Variants in OSBPL10 observed in about 807,000 individuals in gnomAD.
OSBPL10 encodes oxysterol binding protein like 10.
In OSBPL10, 49 loss-of-function variants were observed where a neutral mutation model predicts 81.7. The observed-to-expected ratio is 0.60, with a 90% confidence interval of 0.48 to 0.76. The LOEUF is 0.76. Ranked by LOEUF, OSBPL10 falls within the 30% of genes least tolerant of loss-of-function variation. OSBPL10 has a pLI of 0.00. For missense variants in OSBPL10, 923 were observed against 987.8 expected (o/e 0.93, Z 0.88); for synonymous variants, 419 against 383.6 (o/e 1.09, Z -1.08).
At position 31,991,861 on chromosome 3, in the gene OSBPL10, G is replaced by A. The variant is rs935272934; in HGVS notation, n.298+54630C>T. Among the ~76,000 whole-genome samples the A allele has an allele frequency of 2.3e-5, 3 of 128,478 alleles. No individual in the cohort carries two copies. The South Asian group carries it at 7.5e-4, about 32-fold the overall frequency. 84.3% of individuals were successfully genotyped at this position (128,478 alleles called of 152,430 possible). A position where few individuals can be genotyped will look rare whatever the true frequency, so the allele number is the denominator to read the frequency against. On this transcript the variant is annotated intron_variant and non_coding_transcript_variant, in intron 2 of 3. Coordinates refer to the OSBPL10 transcript ENST00000479173. ...GTGAAAATAAGAGAATTCAAGACAG[G>A]CTAAAAAAAAAAAAATGCCAGGTGC...
At chr3:31,851,042 C>G (rs999635287) in intron 3 of OSBPL10, among the ~76,000 whole-genome samples, 17 of 152,108 alleles carry the variant, frequency 1.1e-4, no homozygotes, top group African/African-American at 2.4e-5. Context: ...AGCAGTTATC[C>G]AAGGTCAGTA....
At chr3:31,679,941 AG>A (rs1452163029) in intron 8 of OSBPL10, among the ~76,000 whole-genome samples, 1 of 152,184 alleles carries the variant, frequency 6.6e-6, no homozygotes, top group Non-Finnish European at 1.5e-5. Context: ...TGCTTTCAAT[AG>A]GAAGAGTTAC....
intron 3 of OSBPL10, among the ~76,000 whole-genome samples, chr3:31,870,496 TGC>T (rs1394435870): frequency 6.6e-6 from 1 of 152,028 alleles, no homozygotes; most frequent in Non-Finnish European, 1.5e-5. Flanking sequence ...GGCTGAGGAG[TGC>T]GAATGCATGG....
chr3:31,693,573 CA>C (rs1328976429), intron 7 of OSBPL10, among the ~76,000 whole-genome samples: 20 of 152,200 alleles, frequency 1.3e-4, no homozygotes, highest in Non-Finnish European at 2.5e-4. Flanking sequence ...TTCTATATAC[CA>C]GGGGTCAACA....
intron 1 of OSBPL10, among the ~76,000 whole-genome samples, chr3:31,976,098 C>T (rs1698689850): frequency 6.6e-6 from 1 of 152,086 alleles, no homozygotes; most frequent in Non-Finnish European, 1.5e-5. Context: ...CATCTTCTCC[C>T]CAAAGAACTC....
intron 2 of OSBPL10, among the ~76,000 whole-genome samples, chr3:32,021,934 C>A (rs1196425248): frequency 1.3e-5 from 2 of 149,420 alleles, no homozygotes; most frequent in East Asian, 3.9e-4. Context: ...GAGTCATGGT[C>A]GTGCTACTGC....
chr3:31,790,829 C>G (rs367763038), intron 4 of OSBPL10, among the ~76,000 whole-genome samples: 1 of 152,344 alleles, frequency 6.6e-6, no homozygotes, highest in East Asian at 1.9e-4. Flanking sequence ...TCATTGGAAT[C>G]AGATCACCTG....
rs539216948 is a variant in OSBPL10 at position 31,666,963 on chromosome 3, CAA to C, written c.2096+1677_2096+1678del. On this transcript the variant is annotated intron_variant, in intron 10 of 11. Coordinates refer to ENST00000396556, the MANE Select transcript of OSBPL10 (RefSeq NM_017784.5). ...TTTCAGTAAAATCCACATAAACAGA[CAA>C]AAAGAGGTAGCACCTTCTCTCTTAC... Among the ~76,000 whole-genome samples, 44 of 152,218 alleles carry C rather than the reference CAA, an allele frequency of 2.9e-4. No individual in the cohort carries two copies. The South Asian group carries it at 8.9e-3, about 31-fold the overall frequency.
chr3:31,925,663 A>G (rs11925672), intron 1 of OSBPL10, among the ~76,000 whole-genome samples: 50,575 of 151,870 alleles, frequency 0.33, 9,106 homozygotes, highest in African/African-American at 0.46. Flanking sequence ...AGGTACAAAA[A>G]TTAGCCAGGC....
At chr3:31,687,768 T>C (rs1700828355) in intron 7 of OSBPL10, among the ~76,000 whole-genome samples, 1 of 152,022 alleles carries the variant, frequency 6.6e-6, no homozygotes, top group Admixed American at 6.6e-5. Flanking sequence ...CCAGCTGCTG[T>C]CATGGATTAA....
intron 7 of OSBPL10, among the ~76,000 whole-genome samples, chr3:31,694,997 G>A (rs937085227): frequency 5.3e-5 from 8 of 152,054 alleles, no homozygotes; most frequent in Non-Finnish European, 1.0e-4. Flanking sequence ...CAGGTGATCC[G>A]CCCACCTCAA....
intron 7 of OSBPL10, among the ~76,000 whole-genome samples, chr3:31,691,850 G>A (rs1407670282): frequency 6.6e-6 from 1 of 151,954 alleles, no homozygotes; most frequent in Non-Finnish European, 1.5e-5. Flanking sequence ...CACCGCAAAG[G>A]TTCATTTATG....
chr3:32,071,203 C>G (rs1699826274), intron 1 of OSBPL10, among the ~76,000 whole-genome samples: 2 of 152,206 alleles, frequency 1.3e-5, no homozygotes. Context: ...CACATGTGCT[C>G]TCCCTGCCAA....
intron 6 of OSBPL10, among the ~76,000 whole-genome samples, chr3:31,731,170 C>T (rs909801504): frequency 9.9e-5 from 15 of 152,078 alleles, no homozygotes; most frequent in African/African-American, 3.6e-4. Context: ...AGTGTCCAAG[C>T]TCTACTAGCT....
intron 1 of OSBPL10, among the ~76,000 whole-genome samples, chr3:31,943,967 C>CAAAAAAAAAAAAAAAAAAAA (rs55770286): frequency 5.6e-4 from 21 of 37,782 alleles, no homozygotes; most frequent in African/African-American, 1.3e-3. Context: ...GACTCCGTCT[C>CAAAAAAAAAAAAAAAAAAAA]AAAAAAAAAA....
At chr3:31,825,271 G>A (rs1448811027) in intron 4 of OSBPL10, among the ~76,000 whole-genome samples, 1 of 152,186 alleles carries the variant, frequency 6.6e-6, no homozygotes, top group Non-Finnish European at 1.5e-5. Flanking sequence ...GAGACAGACT[G>A]GAAACACAGA....
chr3:31,673,932 C>G (rs1700389263), intron 8 of OSBPL10, among the ~76,000 whole-genome samples: 1 of 151,892 alleles, frequency 6.6e-6, no homozygotes, highest in Admixed American at 6.6e-5. Context: ...AAGCATGCAC[C>G]ACCATACCCA....
chr3:31,696,282 T>G (rs1695718126), intron 7 of OSBPL10, among the ~76,000 whole-genome samples: 1 of 152,192 alleles, frequency 6.6e-6, no homozygotes. Context: ...CTGCAGCATT[T>G]TTTCTTCTGT....
chr3:31,895,111 T>G (rs1013504102), intron 1 of OSBPL10, among the ~76,000 whole-genome samples: 18 of 149,406 alleles, frequency 1.2e-4, no homozygotes, highest in Non-Finnish European at 2.2e-4. Context: ...ACATAAATGC[T>G]GCATATTAGA....
Sources: gnomAD v4.1 joint callset for allele counts (sites outside exome capture counted in the v4.1 genomes callset) on GRCh38, gnomAD v4.1.1 for gene constraint, MANE v1.5 for transcripts, NCBI Gene and HGNC (gene_info 2026-07-23, HGNC 2026-07-21) for gene names.